Variants in EPB41L3 observed in about 807,000 individuals in gnomAD.
EPB41L3 encodes the protein erythrocyte membrane protein band 4.1 like 3, also known as band 4.1-like protein 3.
In EPB41L3, 57 loss-of-function variants were observed where a neutral mutation model predicts 127.1. The ratio of observed to expected loss-of-function variants is 0.45; its 90% CI spans 0.36 to 0.56. EPB41L3 has a LOEUF of 0.56. Among genes scored for constraint, EPB41L3 ranks in the 20% least tolerant of loss-of-function variants. The probability of loss-of-function intolerance (pLI) is 0.00; values close to 1 mark genes in which losing one functional copy is unlikely to be tolerated. For missense variants in EPB41L3, 1,273 were observed against 1,372.2 expected (o/e 0.93, Z 1.14); for synonymous variants, 572 against 549.5 (o/e 1.04, Z -0.57).
chr18:5,560,239 C>T (rs990373582), intron 3 of EPB41L3, among the ~76,000 whole-genome samples: 2 of 152,124 alleles, frequency 1.3e-5, no homozygotes, highest in African/African-American at 4.8e-5. Flanking sequence ...TAAAGCTAAA[C>T]CTAAAATTAG....
chr18:5,604,906 C>A (rs758881768), intron 3 of EPB41L3, among the ~76,000 whole-genome samples: 18 of 152,120 alleles, frequency 1.2e-4, no homozygotes, highest in Admixed American at 2.6e-4. Context: ...CTATGATATA[C>A]CTCCCAGATC....
At chr18:5,584,930 T>C (rs1429757812) in intron 3 of EPB41L3, among the ~76,000 whole-genome samples, 2 of 152,052 alleles carry the variant, frequency 1.3e-5, no homozygotes, top group Non-Finnish European at 2.9e-5. Context: ...ACTCAGAAAA[T>C]TGGATTGCAG....
At chr18:5,451,372 G>A (rs2082259560) in intron 3 of EPB41L3, among the ~76,000 whole-genome samples, 2 of 152,200 alleles carry the variant, frequency 1.3e-5, no homozygotes, top group Non-Finnish European at 1.5e-5. Flanking sequence ...TGTCCCACAT[G>A]TTCTGCTTTG....
intron 1 of EPB41L3, among the ~76,000 whole-genome samples, chr18:5,523,716 C>A (rs554830827): frequency 1.0e-3 from 159 of 152,008 alleles, no homozygotes; most frequent in Non-Finnish European, 1.7e-3. Flanking sequence ...ACCATAGAGA[C>A]GGAGGATGTG....
At chr18:5,482,028 C>A (rs930214694) in intron 2 of EPB41L3, among the ~76,000 whole-genome samples, 2 of 152,036 alleles carry the variant, frequency 1.3e-5, no homozygotes, top group Non-Finnish European at 2.9e-5. Context: ...CCCAAAAAGA[C>A]AAGGGAAAAT....
intron 1 of EPB41L3, among the ~76,000 whole-genome samples, chr18:5,537,697 T>C (rs1264036691): frequency 1.3e-5 from 2 of 152,190 alleles, no homozygotes; most frequent in African/African-American, 4.8e-5. Flanking sequence ...ATACAGGCTA[T>C]ATTCCAGCTA....
chr18:5,527,777 C>A (rs949929023), intron 1 of EPB41L3, among the ~76,000 whole-genome samples: 1 of 152,152 alleles, frequency 6.6e-6, no homozygotes, highest in Non-Finnish European at 1.5e-5. Flanking sequence ...AGGCCGAGGG[C>A]TCGGCAAGTC....
intron 1 of EPB41L3, among the ~76,000 whole-genome samples, chr18:5,505,891 A>C (rs368329941): frequency 6.6e-5 from 5 of 76,028 alleles, no homozygotes; most frequent in Admixed American, 1.5e-4. Context: ...CTCCACCCCT[A>C]CCCTCCACAC....
At position 5,397,619 on chromosome 18, in the gene EPB41L3, A is replaced by C. The variant is rs2073787250; in HGVS notation, c.2473-193T>G. Among the ~76,000 whole-genome samples the C allele has an allele frequency of 6.6e-6, 1 of 152,130 alleles. No homozygotes were observed. Among genetic ancestry groups the C allele is most frequent in the Non-Finnish European group, 1.5e-5 (1 of 68,036 alleles). On this transcript the variant is annotated intron_variant, in intron 17 of 22. Coordinates refer to ENST00000341928, the MANE Select transcript of EPB41L3 (RefSeq NM_012307.5). The surrounding 1 kb of genome is among the most constrained non-coding windows in gnomAD (Gnocchi z 4.1). Reference sequence around the variant, plus strand: ...TGATGCCTGCCCCTGCCCCTGGTGCATGCACTTGAACCTGCGCTGCTGCTT... The same window carrying C: ...TGATGCCTGCCCCTGCCCCTGGTGCCTGCACTTGAACCTGCGCTGCTGCTT...
intron 3 of EPB41L3, chr18:5,577,639 G>A (rs1290955139): frequency 9.2e-6 from 2 of 218,120 alleles, no homozygotes; most frequent in South Asian, 6.5e-5. Flanking sequence ...TAGCTTCTCC[G>A]CATGACTGTG....
intron 2 of EPB41L3, among the ~76,000 whole-genome samples, chr18:5,486,339 T>C (rs2089744163): frequency 1.3e-5 from 2 of 151,960 alleles, no homozygotes; most frequent in Admixed American, 6.5e-5. Flanking sequence ...CAAATAAAAA[T>C]GGATTAAAGA....
intron 1 of EPB41L3, among the ~76,000 whole-genome samples, chr18:5,620,039 A>T (rs1237956442): frequency 6.6e-6 from 1 of 152,214 alleles, no homozygotes; most frequent in Non-Finnish European, 1.5e-5. Context: ...AAACCTGTGT[A>T]AAGTGATATT....
At chr18:5,630,021 G>A (rs1006916799), upstream of EPB41L3, among the ~76,000 whole-genome samples, 1 of 152,184 alleles carries the variant, frequency 6.6e-6, no homozygotes, top group Admixed American at 6.5e-5. Context: ...TGCGCTCGCC[G>A]GGCCCCGCGC....
At chr18:5,579,505 A>G (rs1410625270) in intron 3 of EPB41L3, among the ~76,000 whole-genome samples, 1 of 152,256 alleles carries the variant, frequency 6.6e-6, no homozygotes, top group Non-Finnish European at 1.5e-5. Context: ...AAGGACCAAG[A>G]TAAAAACAAC....
upstream of EPB41L3, among the ~76,000 whole-genome samples, chr18:5,630,022 G>C (rs2094974686): frequency 6.6e-6 from 1 of 152,182 alleles, no homozygotes; most frequent in Non-Finnish European, 1.5e-5. Context: ...GCGCTCGCCG[G>C]GCCCCGCGCA....
intron 3 of EPB41L3, among the ~76,000 whole-genome samples, chr18:5,454,209 GTTTT>G (rs558597098): frequency 3.4e-5 from 4 of 116,394 alleles, no homozygotes; most frequent in Admixed American, 8.7e-5. Context: ...TTGTTTCCTT[GTTTT>G]TTTTTTTTTT....
intron 1 of EPB41L3, among the ~76,000 whole-genome samples, chr18:5,627,527 C>T (rs767420913): frequency 6.6e-6 from 1 of 152,212 alleles, no homozygotes; most frequent in Non-Finnish European, 1.5e-5. Context: ...AGTTTAAAAA[C>T]ACAACTCATG....
rs138674095 is a variant in EPB41L3, at chr18:5,622,306, G to A, written c.-468+6616C>T. ...ACACTTGTTTGGGCACTTACAATACGCTAGCCATTTTCTAAATATTATTTC... is the reference window on the plus strand; with the variant it reads ...ACACTTGTTTGGGCACTTACAATACACTAGCCATTTTCTAAATATTATTTC... On this transcript the variant is annotated intron_variant, in intron 1 of 21. Transcript: ENST00000545076. Among the ~76,000 whole-genome samples, 369 of 152,230 alleles carry A rather than the reference G, an allele frequency of 2.4e-3. 1 individual carries two copies. The highest frequency in any genetic ancestry group is 8.3e-3 in the African/African-American group (345 of 41,550).
At chr18:5,428,894 A>C (rs2078593144) in intron 8 of EPB41L3, among the ~76,000 whole-genome samples, 1 of 152,238 alleles carries the variant, frequency 6.6e-6, no homozygotes, top group Non-Finnish European at 1.5e-5. Flanking sequence ...ATAGGTACAG[A>C]GTTCCAGCTG....
Sources: gnomAD v4.1 joint callset for allele counts (sites outside exome capture counted in the v4.1 genomes callset) on GRCh38, gnomAD v4.1.1 for gene constraint, Gnocchi (gnomAD v3.1) non-coding constraint, MANE v1.5 for transcripts, NCBI Gene and HGNC (gene_info 2026-07-23, HGNC 2026-07-21) for gene names.